GAS6: variants seen among roughly 807,000 people sequenced by gnomAD.
GAS6 encodes growth arrest specific 6.
GAS6 carries 41 observed loss-of-function variants against 75.8 expected under a neutral mutation model. The observed-to-expected ratio is 0.54, with a 90% CI of 0.42 to 0.70. The LOEUF (loss-of-function observed/expected upper bound fraction) is 0.70, where lower values mean the gene tolerates loss of function less well. Ranked by LOEUF, GAS6 falls within the 30% of genes least tolerant of loss-of-function variation. GAS6 has a pLI of 0.00. For missense variants in GAS6, 854 were observed against 940.2 expected, an observed-to-expected ratio of 0.91 and a Z score of 1.20; for synonymous variants, 432 against 412.6, an observed-to-expected ratio of 1.05 and a Z score of -0.57.
chr13:113,840,058 G>C (rs967994741), intron 4 of GAS6: 34 of 626,380 alleles, frequency 5.4e-5, no homozygotes, highest in Non-Finnish European at 8.5e-5. Context: ...GCCGGCTCCA[G>C]GAAAACTCAG....
At chr13:113,861,977 T>C (rs945555536) in intron 2 of GAS6, among the ~76,000 whole-genome samples, 4 of 151,612 alleles carry the variant, frequency 2.6e-5, no homozygotes, top group Non-Finnish European at 5.9e-5. Context: ...TGCAGGAGGG[T>C]GAGGAGATGA....
chr13:113,863,392 C>A lies in GAS6; in HGVS notation c.255+183G>T, dbSNP rs1277633051. Among the ~76,000 whole-genome samples the A allele has an allele frequency of 3.9e-5, 6 of 152,152 alleles. No individual in the cohort carries two copies. Among genetic ancestry groups the A allele is most frequent in the Non-Finnish European group, 8.8e-5 (6 of 68,016 alleles). The stretch of plus-strand genomic sequence containing the variant: ...CCCCGCAGCGTCTCACCGGCCTGCG[C>A]GGGGATCCCGGGGTCGCCGGGGGAT... On this transcript the variant is annotated intron_variant, in intron 2 of 14. Transcript: ENST00000327773. This position sits in a 1 kb window ranked among gnomAD's most constrained non-coding sequence, Gnocchi z 9.4.
intron 8 of GAS6, chr13:113,833,004 T>C: frequency 1.4e-6 from 2 of 1,402,584 alleles, no homozygotes; most frequent in South Asian, 3.0e-5. Context: ...CCCTGCTCAT[T>C]TCCCTTGACC....
chr13:113,863,486 G>T lies in GAS6; in HGVS notation c.255+89C>A, dbSNP rs555885124. 69 of 1,306,298 alleles carry T rather than the reference G, an allele frequency of 5.3e-5. No homozygotes were observed. In the African/African-American group the frequency reaches 8.3e-4, roughly 16 times the overall value. 80.9% of individuals were successfully genotyped at this position (1,306,298 alleles called of 1,614,324 possible). ...AGGCCAGGCCTCGCCGCGCGGAGCT[G>T]GGGGGCGGCAGCAGCGCTGCCTCTC... is the stretch of plus-strand genomic sequence containing the variant. On this transcript the variant is annotated intron_variant, in intron 2 of 14. Transcript: ENST00000327773. The surrounding 1 kb of genome is among the most constrained non-coding windows in gnomAD (Gnocchi z 9.4).
intron 8 of GAS6, chr13:113,833,566 TACCGGTGTGACAG>T (rs1262217374): frequency 2.2e-6 from 2 of 927,570 alleles, no homozygotes; most frequent in East Asian, 1.4e-4. Context: ...ACTGCATTCC[TACCGGTGTGACAG>T]GTCAGTGTGA....
chr13:113,859,008 CTG>C (rs1308881658), intron 2 of GAS6, among the ~76,000 whole-genome samples: 2 of 150,076 alleles, frequency 1.3e-5, no homozygotes, highest in African/African-American at 4.9e-5. Flanking sequence ...GTATACATGT[CTG>C]TTAGTATGTG....
intron 8 of GAS6, among the ~76,000 whole-genome samples, chr13:113,834,208 C>T (rs1341319458): frequency 2.7e-5 from 4 of 146,538 alleles, no homozygotes; most frequent in African/African-American, 7.7e-5. Context: ...GTGACAGGCC[C>T]CGGTGTGACA....
rs2051819857 is a variant in GAS6 at position 113,844,675 on chromosome 13, T to C, written c.343+1852A>G. On this transcript the variant is annotated intron_variant, in intron 4 of 14. Transcript: ENST00000327773. The surrounding 1 kb of genome is among the most constrained non-coding windows in gnomAD (Gnocchi z 5.7). ...ACCAGAAAAAAGACTGAGGAGGGCA[T>C]AGGAGACCCACCCGCGTGCATGAGG... 6.6e-6 allele frequency: 1 copy of C among 150,476 alleles called. No homozygotes were observed. Among genetic ancestry groups the C allele is most frequent in the Non-Finnish European group, 1.5e-5 (1 of 67,990 alleles). 9.3% of individuals were successfully genotyped at this position (150,476 alleles called of 1,614,324 possible). A position where few individuals can be genotyped will look rare whatever the true frequency, so the allele number is the denominator to read the frequency against.
chr13:113,849,228 G>C (rs958580723), intron 2 of GAS6, among the ~76,000 whole-genome samples: 1 of 152,214 alleles, frequency 6.6e-6, no homozygotes, highest in South Asian at 2.1e-4. Flanking sequence ...GGGTGAGCTG[G>C]TGTGCAGCTC....
At chr13:113,852,187 A>T (rs2051881423) in intron 2 of GAS6, among the ~76,000 whole-genome samples, 1 of 152,268 alleles carries the variant, frequency 6.6e-6, no homozygotes, top group Non-Finnish European at 1.5e-5. Context: ...CTTTAGGCAC[A>T]GACCTTCTTT....
Position 113,832,725 on chromosome 13 carries a change from C to T in GAS6, c.862G>A (p.Val288Met), listed in dbSNP as rs79109564. 5.5e-4 allele frequency: 887 copies of T among 1,612,724 alleles called. 7 individuals are homozygous for T. The East Asian group carries it at 0.015, about 28-fold the overall frequency. ...EDILPCVPFSVAKSVKSLYLG... is the reference protein window; with the variant it reads ...EDILPCVPFSMAKSVKSLYLG... Reference sequence around the variant, plus strand: ...TACAAGGACTTCACACTCTTGGCCACGCTGAAGGGCACGCACGGCAAGATG... The same window carrying T: ...TACAAGGACTTCACACTCTTGGCCATGCTGAAGGGCACGCACGGCAAGATG... The change falls in exon 9 of 15, where the codon GTG (valine) becomes ATG (methionine). Residue 288 changes from valine to methionine, a missense_variant. Transcript: ENST00000327773.
intron 2 of GAS6, among the ~76,000 whole-genome samples, chr13:113,849,340 G>T (rs1320770326): frequency 6.6e-6 from 1 of 152,138 alleles, no homozygotes; most frequent in Non-Finnish European, 1.5e-5. Context: ...TCCAATTTTA[G>T]TCATGGGTTG....
intron 2 of GAS6, among the ~76,000 whole-genome samples, chr13:113,860,117 G>C (rs1323304133): frequency 1.3e-5 from 2 of 152,244 alleles, no homozygotes; most frequent in African/African-American, 4.8e-5. Context: ...ACCAGCAGTG[G>C]GGAGAAGAGA....
chr13:113,821,053 C>T (rs994617616), intron 14 of GAS6, 35 bp from the exon 15 acceptor site: 1 of 1,597,452 alleles, frequency 6.3e-7, no homozygotes, highest in Admixed American at 1.7e-5. Context: ...TATCTTAGCT[C>T]ACCACGTGGC....
chr13:113,857,438 T>A (rs965317710), intron 2 of GAS6, among the ~76,000 whole-genome samples: 3 of 152,104 alleles, frequency 2.0e-5, no homozygotes, highest in African/African-American at 7.2e-5. Flanking sequence ...TGCAGTGAAA[T>A]CACTGGAATA....
At position 113,832,628 on chromosome 13, in the gene GAS6, C is replaced by T; in HGVS notation, c.953+6G>A. The T allele has an allele frequency of 1.2e-6, 2 of 1,612,732 alleles. No individual in the cohort carries two copies. The highest frequency in any genetic ancestry group is 4.5e-5 in the East Asian group (2 of 44,890). On this transcript the variant is annotated splice_donor_region_variant and intron_variant, in intron 9 of 14. Coordinates refer to ENST00000327773, the MANE Select transcript of GAS6 (RefSeq NM_000820.4). ...GTTGTGTTGCCTCCTGTGGACACCT[C>T]CTCACCTGGTGGGCTGCAGCCTCTT...
intron 2 of GAS6, among the ~76,000 whole-genome samples, chr13:113,862,334 G>T (rs748853874): frequency 5.9e-5 from 9 of 152,242 alleles, no homozygotes; most frequent in Non-Finnish European, 1.3e-4. Flanking sequence ...TGTGCACGCA[G>T]AATGTTCCGG....
intron 2 of GAS6, among the ~76,000 whole-genome samples, chr13:113,861,613 C>A (rs1327603405): frequency 6.6e-6 from 1 of 152,140 alleles, no homozygotes; most frequent in Non-Finnish European, 1.5e-5. Flanking sequence ...AAGAGTGTGG[C>A]AGAGGATGCA....
intron 4 of GAS6, chr13:113,840,303 C>T (rs1401685651): frequency 1.2e-5 from 2 of 173,746 alleles, no homozygotes; most frequent in African/African-American, 4.8e-5. Context: ...GGGGAGGACC[C>T]CAGGCCCAGG....
Sources: gnomAD v4.1 joint callset for allele counts (sites outside exome capture counted in the v4.1 genomes callset) on GRCh38, gnomAD v4.1.1 for gene constraint, Gnocchi (gnomAD v3.1) non-coding constraint, MANE v1.5 for transcripts, NCBI Gene and HGNC (gene_info 2026-07-23, HGNC 2026-07-21) for gene names.